Variants in RUNX1 observed in about 807,000 individuals in gnomAD.
The protein encoded by RUNX1 is RUNX family transcription factor 1.
In RUNX1, 19 loss-of-function variants were observed where a neutral mutation model predicts 42.8. That is an observed-to-expected ratio of 0.44 (90% CI 0.31 to 0.65). The LOEUF (loss-of-function observed/expected upper bound fraction) is 0.65. Among genes scored for constraint, RUNX1 ranks in the 30% least tolerant of loss-of-function variants. The pLI is 0.07. For synonymous variants in RUNX1, 271 were observed against 289.4 expected, an observed-to-expected ratio of 0.94 and a Z score of 0.64; for missense variants, 528 against 672.0, an observed-to-expected ratio of 0.79 and a Z score of 2.37.
At chr21:35,025,868 A>G (rs982534395) in intron 2 of RUNX1, among the ~76,000 whole-genome samples, 5 of 152,168 alleles carry the variant, frequency 3.3e-5, no homozygotes, top group African/African-American at 1.2e-4. Context: ...TCTTAAAAAT[A>G]AGGTAGATTC....
At chr21:34,941,499 G>T (rs1389346911) in intron 2 of RUNX1, among the ~76,000 whole-genome samples, 1 of 152,184 alleles carries the variant, frequency 6.6e-6, no homozygotes, top group Non-Finnish European at 1.5e-5. Flanking sequence ...GAGACACAAA[G>T]ACCTACACAA....
At chr21:35,034,261 C>T (rs139004004) in intron 2 of RUNX1, among the ~76,000 whole-genome samples, 1 of 152,160 alleles carries the variant, frequency 6.6e-6, no homozygotes, top group African/African-American at 2.4e-5. Context: ...CTTTGTTGCG[C>T]CAGCAGGCCA....
chr21:34,984,925 C>T (rs561882451), intron 2 of RUNX1, among the ~76,000 whole-genome samples: 6 of 152,304 alleles, frequency 3.9e-5, no homozygotes, highest in Admixed American at 6.5e-5. Flanking sequence ...TCCCAGAGGA[C>T]AGGCTGCATG....
intron 3 of RUNX1, among the ~76,000 whole-genome samples, chr21:34,889,277 C>T (rs984496939): frequency 6.6e-6 from 1 of 152,116 alleles, no homozygotes; most frequent in Non-Finnish European, 1.5e-5. Flanking sequence ...CTGCACCGTC[C>T]GGCTGGCAGC....
chr21:34,981,001 C>T lies in RUNX1; in HGVS notation c.58+67841G>A, dbSNP rs181522712. ...GAAGACGTAGGCGGAAATTTAAACA[C>T]CAAGTCTATCATTATAAAGGTACTT... On this transcript the variant is annotated intron_variant, in intron 2 of 8. Transcript: ENST00000675419. 3.9e-5 allele frequency among the ~76,000 whole-genome samples: 6 copies of T among 152,318 alleles called. No homozygotes were observed. In the East Asian group the frequency reaches 1.2e-3, roughly 29 times the overall value.
chr21:34,857,143 T>C (rs753264613), intron 6 of RUNX1, among the ~76,000 whole-genome samples: 26 of 152,234 alleles, frequency 1.7e-4, no homozygotes, highest in Non-Finnish European at 2.1e-4. Context: ...ATCATACTTA[T>C]ACTTATTCCA....
At chr21:35,023,891 T>G (rs999896819) in intron 2 of RUNX1, among the ~76,000 whole-genome samples, 5 of 151,338 alleles carry the variant, frequency 3.3e-5, no homozygotes, top group Admixed American at 6.6e-5. Context: ...ATAAATTAAA[T>G]ATTAGGTGAA....
intron 7 of RUNX1, among the ~76,000 whole-genome samples, chr21:34,819,512 C>A (rs1601388255): frequency 1.3e-5 from 2 of 152,352 alleles, no homozygotes; most frequent in African/African-American, 4.8e-5. Flanking sequence ...CGGGAGCCCC[C>A]ACTCTGGTGC....
At chr21:34,974,171 C>T (rs1218075949) in intron 2 of RUNX1, among the ~76,000 whole-genome samples, 2 of 152,136 alleles carry the variant, frequency 1.3e-5, no homozygotes, top group African/African-American at 4.8e-5. Flanking sequence ...CTTGATATGC[C>T]TGATAGTTTT....
chr21:34,881,465 C>T (rs2057904464), intron 4 of RUNX1, among the ~76,000 whole-genome samples: 1 of 152,156 alleles, frequency 6.6e-6, no homozygotes, highest in Non-Finnish European at 1.5e-5. Context: ...ATGCACCCTT[C>T]GTTTACTAAT....
At chr21:34,807,437 T>A (rs550779811) in intron 7 of RUNX1, among the ~76,000 whole-genome samples, 1 of 152,294 alleles carries the variant, frequency 6.6e-6, no homozygotes, top group South Asian at 2.1e-4. Context: ...CTTTCAGTCA[T>A]CTCTCAGAGC....
chr21:34,847,575 C>T lies in RUNX1; in HGVS notation c.613+11899G>A, dbSNP rs527343439. 6.6e-5 allele frequency among the ~76,000 whole-genome samples: 10 copies of T among 152,016 alleles called. No individual in the cohort carries two copies. The South Asian group carries it at 2.1e-3, about 32-fold the overall frequency. On this transcript the variant is annotated intron_variant, in intron 6 of 8. Transcript: ENST00000675419. ...TTGATATATATTATCTCAATGTGTC[C>T]TCAAGAACCCTGTGCAGTAGGCAGA...
At chr21:34,936,285 A>C (rs1302650771) in intron 2 of RUNX1, among the ~76,000 whole-genome samples, 1 of 152,168 alleles carries the variant, frequency 6.6e-6, no homozygotes, top group East Asian at 1.9e-4. Flanking sequence ...TTTTAAAAAA[A>C]AATAGCACTC....
At chr21:35,007,340 G>A (rs932952306) in intron 2 of RUNX1, among the ~76,000 whole-genome samples, 1 of 152,150 alleles carries the variant, frequency 6.6e-6, no homozygotes, top group African/African-American at 2.4e-5. Flanking sequence ...GACAGACGCT[G>A]TGGCTGCCAC....
At chr21:34,848,002 C>G (rs1257357456) in intron 6 of RUNX1, among the ~76,000 whole-genome samples, 1 of 151,896 alleles carries the variant, frequency 6.6e-6, no homozygotes, top group Non-Finnish European at 1.5e-5. Context: ...TGTTTCCTCT[C>G]ATAAGGTCTT....
intron 2 of RUNX1, among the ~76,000 whole-genome samples, chr21:35,035,280 A>G (rs1260974537): frequency 1.3e-5 from 2 of 152,238 alleles, no homozygotes; most frequent in Non-Finnish European, 2.9e-5. Context: ...AGAAAGGGTG[A>G]GTAGCCTGTT....
chr21:34,792,644 AG>A lies in RUNX1; in HGVS notation c.968-35del. ...CGGGCAAGAGAACGGAGCGGAAGTG[AG>A]TAGGAGGTTGCGGAGGCCACAGCTC... On this transcript the variant is annotated intron_variant, in intron 8 of 8. Transcript: ENST00000675419. This position sits in a 1 kb window ranked among gnomAD's most constrained non-coding sequence, Gnocchi z 6.9. 1 of 1,540,454 alleles carries A rather than the reference AG, an allele frequency of 6.5e-7. No homozygotes were observed. Among genetic ancestry groups the A allele is most frequent in the Non-Finnish European group, 8.8e-7 (1 of 1,140,648 alleles).
At chr21:34,864,326 C>T (rs895846046) in intron 5 of RUNX1, among the ~76,000 whole-genome samples, 2 of 152,230 alleles carry the variant, frequency 1.3e-5, no homozygotes, top group Non-Finnish European at 2.9e-5. Flanking sequence ...TTTCTCCCAG[C>T]GAGCTGCAGC....
In RUNX1 at chr21:34,907,486, T is replaced by C. The variant is rs1296852957; in HGVS notation, c.59-14523A>G. Among the ~76,000 whole-genome samples the C allele has an allele frequency of 1.3e-5, 2 of 152,210 alleles. No individual in the cohort carries two copies. Among genetic ancestry groups the C allele is most frequent in the East Asian group, 3.8e-4 (2 of 5,202 alleles). On this transcript the variant is annotated intron_variant, in intron 2 of 8. Coordinates refer to ENST00000675419, the MANE Select transcript of RUNX1 (RefSeq NM_001754.5). This position sits in a 1 kb window ranked among gnomAD's most constrained non-coding sequence, Gnocchi z 5.3. ...TGATTGATGTATCTCCCCTGAGCCC[T>C]GGCATACTATTTACTTCTTACTGTT... is the stretch of plus-strand genomic sequence containing the variant.
Sources: gnomAD v4.1 joint callset for allele counts (sites outside exome capture counted in the v4.1 genomes callset) on GRCh38, gnomAD v4.1.1 for gene constraint, Gnocchi (gnomAD v3.1) non-coding constraint, MANE v1.5 for transcripts, NCBI Gene and HGNC (gene_info 2026-07-23, HGNC 2026-07-21) for gene names.